The following TAMM41 variants were observed in gnomAD, a reference collection of about 807,000 sequenced individuals.
TAMM41 encodes the protein TAM41 mitochondrial translocator assembly and maintenance homolog, also known as phosphatidate cytidylyltransferase, mitochondrial.
Under a neutral mutation model 44.1 loss-of-function variants are expected in TAMM41, and 36 were observed. The ratio of observed to expected loss-of-function variants is 0.82; its 90% CI spans 0.63 to 1.08. The LOEUF (loss-of-function observed/expected upper bound fraction) is 1.08, where lower values mean the gene tolerates loss of function less well. TAMM41 is among the 50% of genes least tolerant of loss of function. The probability of loss-of-function intolerance (pLI) is 0.00; values close to 1 mark genes in which losing one functional copy is unlikely to be tolerated. For synonymous variants in TAMM41, 164 were observed against 153.1 expected (o/e 1.07, Z -0.53); for missense variants, 417 against 404.3 (o/e 1.03, Z -0.27).
At chr3:11,765,773 C>T in the TAMM41 span, among the ~76,000 whole-genome samples, 1 of 150,868 alleles carries the variant, frequency 6.6e-6, no homozygotes, top group Non-Finnish European at 1.5e-5. Flanking sequence ...GTGATCTCAG[C>T]TCACTGCAAG....
At chr3:11,732,046 T>C in the TAMM41 span, among the ~76,000 whole-genome samples, 1 of 152,122 alleles carries the variant, frequency 6.6e-6, no homozygotes, top group South Asian at 2.1e-4. Flanking sequence ...TTTGTATTTT[T>C]AGTGGAGGCG....
chr3:11,781,650 G>C, the TAMM41 span, among the ~76,000 whole-genome samples: 1 of 151,768 alleles, frequency 6.6e-6, no homozygotes, highest in East Asian at 1.9e-4. Context: ...CAGGAGAATT[G>C]CTTGAACCTG....
chr3:11,834,694 A>G (rs893779675), intron 3 of TAMM41, among the ~76,000 whole-genome samples: 13 of 152,148 alleles, frequency 8.5e-5, no homozygotes, highest in African/African-American at 2.9e-4. Context: ...ATACTCAAAT[A>G]TATATATTTG....
chr3:11,794,914 G>A (rs562087784), intron 7 of TAMM41, among the ~76,000 whole-genome samples: 8 of 152,098 alleles, frequency 5.3e-5, no homozygotes, highest in East Asian at 1.9e-4. Flanking sequence ...CAGATATATC[G>A]ACAAAGAAAA....
At chr3:11,742,252 C>T in the TAMM41 span, among the ~76,000 whole-genome samples, 1 of 150,168 alleles carries the variant, frequency 6.7e-6, no homozygotes, top group Admixed American at 6.6e-5. Flanking sequence ...GCCCTCTCTC[C>T]TCATCCCAGA....
At chr3:11,740,959 G>A in the TAMM41 span, among the ~76,000 whole-genome samples, 2 of 143,602 alleles carry the variant, frequency 1.4e-5, no homozygotes, top group African/African-American at 5.5e-5. Context: ...GGTGGCTCAC[G>A]CCTGTAATCC....
chr3:11,837,998 A>G (rs190371330), intron 3 of TAMM41, among the ~76,000 whole-genome samples: 3 of 152,302 alleles, frequency 2.0e-5, no homozygotes, highest in Admixed American at 2.0e-4. Flanking sequence ...TGAGTGTCCT[A>G]CAACTGAATT....
the TAMM41 span, among the ~76,000 whole-genome samples, chr3:11,738,610 C>T: frequency 4.6e-5 from 7 of 152,050 alleles, no homozygotes; most frequent in African/African-American, 9.7e-5. Flanking sequence ...TTGCTGTATC[C>T]GAGGGGTTTA....
At chr3:11,768,011 G>T in the TAMM41 span, among the ~76,000 whole-genome samples, 11 of 151,366 alleles carry the variant, frequency 7.3e-5, no homozygotes, top group South Asian at 2.3e-3. Flanking sequence ...ACCTGTGGGG[G>T]TGAATAGGTG....
At chr3:11,832,982 T>A in intron 3 of TAMM41, 1 of 1,021,636 alleles carries the variant, frequency 9.8e-7, no homozygotes, top group Non-Finnish European at 1.2e-6. Flanking sequence ...ATTAAGAGGA[T>A]GAAAATAAAA....
At chr3:11,729,811 A>G in the TAMM41 span, among the ~76,000 whole-genome samples, 1 of 151,846 alleles carries the variant, frequency 6.6e-6, no homozygotes, top group Non-Finnish European at 1.5e-5. Context: ...GAAGGAAGGA[A>G]GGAGGGAGGG....
intron 2 of TAMM41, among the ~76,000 whole-genome samples, chr3:11,840,988 A>G (rs2079409296): frequency 6.6e-6 from 1 of 152,028 alleles, no homozygotes; most frequent in Admixed American, 6.6e-5. Context: ...ACTATTTCAA[A>G]CACTTTTGTA....
At chr3:11,809,341 C>A (rs1354317782) in intron 6 of TAMM41, 176 bp downstream of exon 6, 2 of 671,170 alleles carry the variant, frequency 3.0e-6, no homozygotes, top group South Asian at 2.0e-5. Context: ...CATCTTACTT[C>A]AAACAAATAA....
At chr3:11,764,327 G>A in the TAMM41 span, among the ~76,000 whole-genome samples, 1 of 151,780 alleles carries the variant, frequency 6.6e-6, no homozygotes, top group Non-Finnish European at 1.5e-5. Context: ...GTGCAATGCT[G>A]TGTGTGCCTG....
At chr3:11,733,446 G>A in the TAMM41 span, among the ~76,000 whole-genome samples, 21,916 of 151,920 alleles carry the variant, frequency 0.14, 1,691 homozygotes, top group African/African-American at 0.17. Flanking sequence ...GGAAGGGGGT[G>A]TTGCATGACT....
intron 2 of TAMM41, among the ~76,000 whole-genome samples, chr3:11,840,235 C>CT (rs1236116083): frequency 3.6e-5 from 4 of 112,170 alleles, no homozygotes; most frequent in African/African-American, 8.6e-5. Context: ...TAATTAAACT[C>CT]ATTTTTTTTT....
chr3:11,751,459 A>G, the TAMM41 span, among the ~76,000 whole-genome samples: 55 of 152,250 alleles, frequency 3.6e-4, no homozygotes, highest in Non-Finnish European at 6.0e-4. Context: ...GGCCCCACGA[A>G]TAGCACTGAG....
chr3:11,759,242 G>C, the TAMM41 span, among the ~76,000 whole-genome samples: 3 of 152,206 alleles, frequency 2.0e-5, no homozygotes, highest in Admixed American at 2.0e-4. Context: ...ACTCCGTACT[G>C]CTCACGTGGA....
At chr3:11,773,649 T>C in the TAMM41 span, among the ~76,000 whole-genome samples, 2 of 152,248 alleles carry the variant, frequency 1.3e-5, no homozygotes, top group African/African-American at 4.8e-5. Context: ...GTTTTCTCCA[T>C]GAGCCAGTAG....
Sources: allele counts gnomAD v4.1 joint callset (sites outside exome capture counted in the v4.1 genomes callset), GRCh38; gene constraint gnomAD v4.1.1; transcripts MANE v1.5; gene names NCBI Gene and HGNC (gene_info 2026-07-23, HGNC 2026-07-21).